ADGRF5: variants seen among roughly 807,000 people sequenced by gnomAD.
The protein encoded by ADGRF5 is G-protein coupled receptor 116.
Under a neutral mutation model 132.3 loss-of-function variants are expected in ADGRF5, and 75 were observed. That is an observed-to-expected ratio of 0.57 (90% CI 0.47 to 0.69). ADGRF5 has a LOEUF of 0.69. Ranked by LOEUF, ADGRF5 falls within the 30% of genes least tolerant of loss-of-function variation. ADGRF5 has a pLI of 0.00. For missense variants in ADGRF5, 1,516 were observed against 1,630.6 expected, an observed-to-expected ratio of 0.93 and a Z score of 1.21; for synonymous variants, 629 against 597.6, an observed-to-expected ratio of 1.05 and a Z score of -0.77.
intron 14 of ADGRF5, among the ~76,000 whole-genome samples, chr6:46,864,550 G>A (rs1199257212): frequency 2.8e-5 from 4 of 143,980 alleles, no homozygotes; most frequent in African/African-American, 7.9e-5. Context: ...TTTTTGAGAC[G>A]GAATCTCTCT....
chr6:46,893,655 C>T (rs984051910), intron 3 of ADGRF5, among the ~76,000 whole-genome samples: 1 of 152,188 alleles, frequency 6.6e-6, no homozygotes, highest in Non-Finnish European at 1.5e-5. Flanking sequence ...GATGCACTCT[C>T]ATCCTCTTCT....
At chr6:46,900,410 T>A (rs1774631701) in intron 2 of ADGRF5, among the ~76,000 whole-genome samples, 1 of 152,212 alleles carries the variant, frequency 6.6e-6, no homozygotes, top group African/African-American at 2.4e-5. Flanking sequence ...TGTTCTAAAC[T>A]TGTACTCTCT....
intron 15 of ADGRF5, among the ~76,000 whole-genome samples, chr6:46,861,998 C>T (rs941405836): frequency 1.3e-5 from 2 of 148,572 alleles, no homozygotes; most frequent in African/African-American, 5.0e-5. Flanking sequence ...CTACCCAATT[C>T]GATTATTTTC....
intron 1 of ADGRF5, among the ~76,000 whole-genome samples, chr6:46,942,425 T>C (rs922716344): frequency 2.0e-5 from 3 of 152,264 alleles, no homozygotes; most frequent in African/African-American, 7.2e-5. Context: ...GCATGGGCTA[T>C]GGCATGAGGC....
At position 46,858,705 on chromosome 6, in the gene ADGRF5, G is replaced by C; in HGVS notation, c.3198C>G (p.Thr1066=). 1 of 1,614,136 alleles carries C rather than the reference G, an allele frequency of 6.2e-7. No homozygotes were observed. Among genetic ancestry groups the C allele is most frequent in the East Asian group, 2.2e-5 (1 of 44,862 alleles). ...GGATGGCAGCGACCACAATGAACCA[G>C]GTGTTGGCGACCAGAAGGGAGGCAG... ...NIAASLLVAN[T]WFIVVAAIQD... Residue 1066 remains threonine (T), a synonymous_variant, in exon 17 of 21, where the codon ACC becomes ACG. Transcript: ENST00000283296.
At chr6:46,915,665 A>AT (rs1204634969) in intron 1 of ADGRF5, among the ~76,000 whole-genome samples, 1 of 151,466 alleles carries the variant, frequency 6.6e-6, no homozygotes, top group African/African-American at 2.4e-5. Context: ...TTCTTCAGGG[A>AT]TTTTGTTAGA....
chr6:46,947,118 G>A (rs994878301), intron 1 of ADGRF5, among the ~76,000 whole-genome samples: 4 of 152,114 alleles, frequency 2.6e-5, no homozygotes, highest in African/African-American at 9.7e-5. Flanking sequence ...GTAGAGTTCA[G>A]ACACATAGAA....
chr6:46,924,214 C>T (rs1429239192), upstream of ADGRF5, among the ~76,000 whole-genome samples: 2 of 152,130 alleles, frequency 1.3e-5, no homozygotes, highest in African/African-American at 2.4e-5. Context: ...CTTCCAAGGA[C>T]CCTCCTATTT....
At chr6:46,922,183 G>A (rs777788553), upstream of ADGRF5, among the ~76,000 whole-genome samples, 3 of 152,218 alleles carry the variant, frequency 2.0e-5, no homozygotes, top group Admixed American at 6.5e-5. Flanking sequence ...GAGCTAATGA[G>A]AAGTACAGGA....
At chr6:46,906,565 G>GT in intron 2 of ADGRF5, 96 bp downstream of exon 2, 1 of 722,614 alleles carries the variant, frequency 1.4e-6, no homozygotes, top group Non-Finnish European at 2.4e-6. Context: ...TCCCCCTAAA[G>GT]TTTTTTCTCC....
At chr6:46,857,648 T>G (rs1308029821) in intron 17 of ADGRF5, among the ~76,000 whole-genome samples, 1 of 152,236 alleles carries the variant, frequency 6.6e-6, no homozygotes, top group Non-Finnish European at 1.5e-5. Flanking sequence ...ACATTCATTC[T>G]CTGATTTTTG....
chr6:46,858,069 A>G, intron 17 of ADGRF5, 60 bp downstream of exon 17: 6 of 1,266,710 alleles, frequency 4.7e-6, no homozygotes, highest in Admixed American at 4.4e-5. Flanking sequence ...TTGTGTTTCT[A>G]TCATTAATTT....
intron 1 of ADGRF5, among the ~76,000 whole-genome samples, chr6:46,937,285 C>T (rs1478579923): frequency 6.7e-6 from 1 of 149,596 alleles, no homozygotes; most frequent in Non-Finnish European, 1.5e-5. Flanking sequence ...GGCATCAAGC[C>T]CCTCTTTCTC....
At chr6:46,938,674 T>A (rs1274168999) in intron 1 of ADGRF5, among the ~76,000 whole-genome samples, 3 of 152,064 alleles carry the variant, frequency 2.0e-5, no homozygotes, top group Non-Finnish European at 4.4e-5. Flanking sequence ...GACTTCTGGG[T>A]TCCCCCTGTG....
intron 2 of ADGRF5, among the ~76,000 whole-genome samples, chr6:46,905,819 T>C (rs1370819897): frequency 2.0e-5 from 3 of 152,024 alleles, no homozygotes; most frequent in African/African-American, 7.2e-5. Context: ...AGAGAAACAA[T>C]AACAGCAAAC....
At chr6:46,869,723 T>C (rs1770838001) in intron 11 of ADGRF5, among the ~76,000 whole-genome samples, 1 of 152,144 alleles carries the variant, frequency 6.6e-6, no homozygotes, top group South Asian at 2.1e-4. Context: ...ATTGCCCAAA[T>C]ATGAGTTGGT....
chr6:46,886,852 GC>G (rs1358525186), intron 4 of ADGRF5: 2 of 152,124 alleles, frequency 1.3e-5, no homozygotes, highest in Non-Finnish European at 2.9e-5. Flanking sequence ...GGCTTTCTCT[GC>G]CACATTGAAG....
intron 16 of ADGRF5, among the ~76,000 whole-genome samples, chr6:46,859,739 C>T (rs1044199664): frequency 1.3e-5 from 2 of 152,132 alleles, no homozygotes; most frequent in Non-Finnish European, 2.9e-5. Context: ...AAGCATTTAG[C>T]AATGGTGACA....
chr6:46,937,431 T>C (rs1403155342), intron 1 of ADGRF5, among the ~76,000 whole-genome samples: 2 of 152,138 alleles, frequency 1.3e-5, no homozygotes, highest in Non-Finnish European at 2.9e-5. Flanking sequence ...TTCAGGTCAA[T>C]TGTGGCTCCT....
Sources: allele counts gnomAD v4.1 joint callset (sites outside exome capture counted in the v4.1 genomes callset), GRCh38; gene constraint gnomAD v4.1.1; transcripts MANE v1.5; gene names NCBI Gene and HGNC (gene_info 2026-07-23, HGNC 2026-07-21).